The following C4orf50 variants were observed in gnomAD, a reference collection of about 807,000 sequenced individuals.
C4orf50 encodes chromosome 4 open reading frame 50.
Under a neutral mutation model 77.2 loss-of-function variants are expected in C4orf50, and 80 were observed. The observed-to-expected ratio is 1.04, with a 90% CI of 0.87 to 1.25. The LOEUF (loss-of-function observed/expected upper bound fraction) is 1.25, where lower values mean the gene tolerates loss of function less well. Among genes scored for constraint, C4orf50 ranks in the 50% most tolerant of loss-of-function variants. C4orf50 has a pLI of 0.00. For missense variants in C4orf50, 1,257 were observed against 1,152.9 expected (o/e 1.09, Z -1.31); for synonymous variants, 532 against 465.3 (o/e 1.14, Z -1.84).
intron 7 of C4orf50, among the ~76,000 whole-genome samples, chr4:5,920,758 G>T (rs534773806): frequency 6.6e-6 from 1 of 152,216 alleles, no homozygotes; most frequent in Non-Finnish European, 1.5e-5. Flanking sequence ...TTACAGGCGT[G>T]AGCCACAGCA....
In C4orf50 at chr4:5,975,972, A is replaced by G. The variant is rs371014763; in HGVS notation, c.3865-17T>C. ...TTCTTCAAGCTGAAATAAAAGCGAC[A>G]TTTTTGACAACACTGCACTGTCACT... On this transcript the variant is annotated splice_polypyrimidine_tract_variant and intron_variant, in intron 29 of 33. Coordinates refer to ENST00000531445, the Ensembl canonical transcript of C4orf50. The G allele has an allele frequency of 1.9e-6, 3 of 1,611,912 alleles. No homozygotes were observed. Among genetic ancestry groups the G allele is most frequent in the Non-Finnish European group, 2.5e-6 (3 of 1,177,960 alleles).
Position 6,017,033 on chromosome 4 carries a change from T to C in C4orf50, c.287+1112A>G, listed in dbSNP as rs1363407155. 6.6e-6 allele frequency among the ~76,000 whole-genome samples: 1 copy of C among 152,206 alleles called. No individual in the cohort carries two copies. Among genetic ancestry groups the C allele is most frequent in the East Asian group, 1.9e-4 (1 of 5,196 alleles). ...AAGGCCCAACCTCGTTCTGCCAGTC[T>C]GGGTGTCAAGACATCGTCAGGAAAG... is the stretch of plus-strand genomic sequence containing the variant. On this transcript the variant is annotated intron_variant, in intron 23 of 33. Coordinates refer to ENST00000531445, the Ensembl canonical transcript of C4orf50. This position sits in a 1 kb window ranked among gnomAD's most constrained non-coding sequence, Gnocchi z 4.7.
At chr4:5,967,445 G>A (rs115562230) in exon 32 of C4orf50, 34 of 1,613,798 alleles carry the variant, frequency 2.1e-5, no homozygotes, top group African/African-American at 5.3e-5. Context: ...CAGACTTGAC[G>A]TCCAGGTGGT....
chr4:5,990,402 C>G, exon 28 of C4orf50: 1 of 417,278 alleles, frequency 2.4e-6, no homozygotes, highest in Non-Finnish European at 4.1e-6. Context: ...CTCCATTGTT[C>G]CAAGTGTCTT....
In C4orf50 at chr4:5,959,362, A is replaced by G; in HGVS notation, c.*13T>C. ...GGAGTCTATGAAATGGCTCCGGAGA[A>G]TGAGTGGCCCTATTACATTTCTAAC... On this transcript the variant is annotated 3_prime_UTR_variant, in exon 34 of 34. Transcript: ENST00000531445. 5 of 1,607,888 alleles carry G rather than the reference A, an allele frequency of 3.1e-6. 1 individual carries two copies. In the South Asian group the frequency reaches 5.5e-5, roughly 18 times the overall value.
chr4:5,984,884 G>C (rs191695950), intron 28 of C4orf50, among the ~76,000 whole-genome samples: 1 of 150,136 alleles, frequency 6.7e-6, no homozygotes, highest in East Asian at 1.9e-4. Flanking sequence ...ATTAAAACAA[G>C]CAGGACAAAA....
rs534175350 is a variant in C4orf50, at chr4:5,979,616, T to A, written c.3864+558A>T. On this transcript the variant is annotated intron_variant, in intron 29 of 33. Transcript: ENST00000531445. ...AGTTGTAAGAAATAATACAGAGCCC[T>A]CTTGTACATGTTTTTTAGAGACAGG... Among the ~76,000 whole-genome samples, 7 of 152,364 alleles carry A rather than the reference T, an allele frequency of 4.6e-5. No individual in the cohort carries two copies. In the South Asian group the frequency reaches 1.5e-3, roughly 32 times the overall value.
chr4:5,972,160 A>G (rs1275211699), intron 31 of C4orf50, among the ~76,000 whole-genome samples: 1 of 151,812 alleles, frequency 6.6e-6, no homozygotes, highest in African/African-American at 2.4e-5. Flanking sequence ...ACATGCCACC[A>G]CGCCTAGCTA....
In C4orf50 at chr4:6,011,425, C is replaced by A. The variant is rs954731459; in HGVS notation, c.426+405G>T. 6.6e-6 allele frequency among the ~76,000 whole-genome samples: 1 copy of A among 152,122 alleles called. No homozygotes were observed. Among genetic ancestry groups the A allele is most frequent in the African/African-American group, 2.4e-5 (1 of 41,414 alleles). On this transcript the variant is annotated intron_variant, in intron 24 of 33. Transcript: ENST00000531445. The surrounding 1 kb of genome is among the most constrained non-coding windows in gnomAD (Gnocchi z 4.2). ...CAGCTCTCTGTAGCTCTCCTCAACT[C>A]CCCTAGCCCCCTGAACACACGCCAT...
chr4:5,973,177 C>T (rs758312710), intron 31 of C4orf50, among the ~76,000 whole-genome samples: 15 of 152,196 alleles, frequency 9.9e-5, no homozygotes, highest in Non-Finnish European at 1.6e-4. Context: ...CCCCGTCACG[C>T]GGGGCCACGT....
chr4:5,997,355 G>A (rs113320593), intron 25 of C4orf50, among the ~76,000 whole-genome samples: 21 of 152,280 alleles, frequency 1.4e-4, no homozygotes, highest in African/African-American at 4.8e-4. Context: ...TCCCTGCCTC[G>A]AGGAAGTGAC....
At chr4:5,980,739 C>T (rs1328104313) in intron 28 of C4orf50, among the ~76,000 whole-genome samples, 2 of 152,162 alleles carry the variant, frequency 1.3e-5, no homozygotes, top group African/African-American at 4.8e-5. Flanking sequence ...ATGCCAGTCA[C>T]TGTTATACTG....
downstream of C4orf50, among the ~76,000 whole-genome samples, chr4:5,952,455 C>T (rs1288545284): frequency 6.6e-6 from 1 of 152,222 alleles, no homozygotes; most frequent in Non-Finnish European, 1.5e-5. This position sits in a 1 kb window ranked among gnomAD's most constrained non-coding sequence, Gnocchi z 4.4. Flanking sequence ...GGGCGAAGCG[C>T]ATGAGCACTG....
exon 31 of C4orf50, chr4:5,973,811 G>A (rs16837960): frequency 0.46 from 742,874 of 1,612,130 alleles, 174,037 homozygotes; most frequent in East Asian, 0.69. Flanking sequence ...TTCCTCTCCC[G>A]GCACTTCCGG....
exon 34 of C4orf50, chr4:5,959,159 A>C: frequency 1.7e-6 from 1 of 577,108 alleles, no homozygotes; most frequent in Non-Finnish European, 3.1e-6. Flanking sequence ...TGCTGCCTTG[A>C]CATTGCCAAA....
chr4:5,933,277 T>C (rs902640114), intron 7 of C4orf50, among the ~76,000 whole-genome samples: 5 of 152,228 alleles, frequency 3.3e-5, no homozygotes, highest in Admixed American at 3.3e-4. Context: ...GCGCAATGTT[T>C]GCTCACTACC....
chr4:5,997,373 G>A lies in C4orf50; in HGVS notation c.964-2897C>T, dbSNP rs556314249. 2.6e-5 allele frequency among the ~76,000 whole-genome samples: 4 copies of A among 152,266 alleles called. No homozygotes were observed. In the South Asian group the frequency reaches 6.2e-4, roughly 24 times the overall value. On this transcript the variant is annotated intron_variant, in intron 25 of 33. Coordinates refer to ENST00000531445, the Ensembl canonical transcript of C4orf50. ...CTGCCTCGAGGAAGTGACATCCAGC[G>A]GACACAACCTAGAAGACAACGCTGT...
chr4:6,006,933 C>G (rs1473087242), intron 25 of C4orf50, among the ~76,000 whole-genome samples: 1 of 152,190 alleles, frequency 6.6e-6, no homozygotes, highest in Non-Finnish European at 1.5e-5. Flanking sequence ...ACCTTTGGTG[C>G]TACAGGTAAA....
intron 30 of C4orf50, among the ~76,000 whole-genome samples, chr4:5,974,601 G>A (rs1279753946): frequency 6.6e-6 from 1 of 152,118 alleles, no homozygotes; most frequent in Non-Finnish European, 1.5e-5. Context: ...GCATAACCAG[G>A]TTCTGCTGAT....
Sources: gnomAD v4.1 joint callset for allele counts (sites outside exome capture counted in the v4.1 genomes callset) on GRCh38, gnomAD v4.1.1 for gene constraint, Gnocchi (gnomAD v3.1) non-coding constraint, MANE v1.5 for transcripts, NCBI Gene and HGNC (gene_info 2026-07-23, HGNC 2026-07-21) for gene names.